ARHGAP8: variants seen among roughly 807,000 people sequenced by gnomAD.
The protein encoded by ARHGAP8 is Rho GTPase activating protein 8, also known as rho GTPase-activating protein 8.
In ARHGAP8, 62 loss-of-function variants were observed where a neutral mutation model predicts 46.1. That is an observed-to-expected ratio of 1.34 (90% CI 1.10 to 1.66). The LOEUF (loss-of-function observed/expected upper bound fraction) is 1.66, where lower values mean the gene tolerates loss of function less well. Among genes scored for constraint, ARHGAP8 ranks in the 40% most tolerant of loss-of-function variants. The pLI is 0.00. For missense variants in ARHGAP8, 923 were observed against 568.4 expected, an observed-to-expected ratio of 1.62 and a Z score of -6.34; for synonymous variants, 375 against 243.1, an observed-to-expected ratio of 1.54 and a Z score of -5.05.
chr22:44,845,477 C>A, intron 8 of ARHGAP8, 135 bp downstream of exon 8: 1 of 1,217,356 alleles, frequency 8.2e-7, no homozygotes, highest in East Asian at 2.4e-5. Flanking sequence ...CACAGTGGCT[C>A]CAGGTCTGGG....
At chr22:44,804,809 A>G (rs986292649) in intron 3 of ARHGAP8, among the ~76,000 whole-genome samples, 1 of 152,146 alleles carries the variant, frequency 6.6e-6, no homozygotes, top group African/African-American at 2.4e-5. Context: ...TATGCATTCT[A>G]TCTGGTCTGT....
rs767082650 is a variant in ARHGAP8, at chr22:44,849,031, AG to A, written c.850del (p.Ala284ProfsTer54). On this transcript the variant is annotated frameshift_variant, in exon 10 of 12. Transcript: ENST00000356099. LOFTEE classifies it high-confidence loss of function. Reference sequence around the variant, plus strand: ...CTGCCCCAGCCGCTTCTGACCTTCCAGGCCTACGAGCAGATTCTCGGGATCA... The same window carrying A: ...CTGCCCCAGCCGCTTCTGACCTTCCAGCCTACGAGCAGATTCTCGGGATCA... ...RELPQPLLTF[Q>X]AYEQILGITC... 62 of 1,613,972 alleles carry A rather than the reference AG, an allele frequency of 3.8e-5. No individual in the cohort carries two copies. The East Asian group carries it at 1.3e-3, about 34-fold the overall frequency.
chr22:44,858,369 G>GTTTC lies in ARHGAP8; in HGVS notation c.878-1359_878-1358insCTTT, dbSNP rs2070301443. 2.1e-5 allele frequency among the ~76,000 whole-genome samples: 3 copies of GTTTC among 142,046 alleles called. No individual in the cohort carries two copies. The South Asian group carries it at 6.7e-4, about 32-fold the overall frequency. The allele number at this position is 142,046 out of a possible 152,430, so 93.2% of individuals were successfully genotyped here. On this transcript the variant is annotated intron_variant, in intron 10 of 11. Transcript: ENST00000356099. ...GGTGAATACTTGTTGGTTGGTGGTG[G>GTTTC]TTTTTTTTTTTTTTTGAGATGGAGT...
intron 10 of ARHGAP8, 106 bp from the exon 11 acceptor site, chr22:44,859,625 C>T (rs1259438274): frequency 8.1e-6 from 10 of 1,229,582 alleles, no homozygotes; most frequent in Admixed American, 8.1e-5. Context: ...TGGGATAGTC[C>T]ATCCTCAGAG....
chr22:44,782,716 C>T (rs561147904), intron 1 of ARHGAP8, among the ~76,000 whole-genome samples: 90 of 152,300 alleles, frequency 5.9e-4, no homozygotes, highest in Non-Finnish European at 1.0e-3. Flanking sequence ...ATGGCTGGAC[C>T]GCACGTGGCT....
chr22:44,801,985 C>G (rs1928588982), intron 2 of ARHGAP8, 92 bp from the exon 3 acceptor site: 1 of 1,507,110 alleles, frequency 6.6e-7, no homozygotes, highest in Non-Finnish European at 9.1e-7. Context: ...CCAGCTCGGG[C>G]TGGACTGGCC....
chr22:44,806,930 C>T (rs917704512), intron 3 of ARHGAP8, among the ~76,000 whole-genome samples: 3 of 148,362 alleles, frequency 2.0e-5, no homozygotes, highest in African/African-American at 5.0e-5. Flanking sequence ...CACCACTGCA[C>T]TCCAGCCTGG....
intron 7 of ARHGAP8, among the ~76,000 whole-genome samples, chr22:44,839,369 C>T (rs1190857672): frequency 6.6e-6 from 1 of 152,182 alleles, no homozygotes. Flanking sequence ...ACCAAACCAC[C>T]CATCGAGATT....
intron 10 of ARHGAP8, among the ~76,000 whole-genome samples, chr22:44,859,440 C>T (rs980610709): frequency 1.3e-5 from 2 of 152,210 alleles, no homozygotes; most frequent in Non-Finnish European, 2.9e-5. Context: ...CCTCCTGAGG[C>T]TTCTCCAGAA....
intron 1 of ARHGAP8, among the ~76,000 whole-genome samples, chr22:44,781,680 G>T (rs931200303): frequency 2.1e-5 from 1 of 48,754 alleles, no homozygotes; most frequent in Admixed American, 2.1e-4. Context: ...GTGCCACCAC[G>T]CCCGGCTAAT....
At chr22:44,778,242 C>T (rs573076027) in intron 1 of ARHGAP8, among the ~76,000 whole-genome samples, 1 of 152,202 alleles carries the variant, frequency 6.6e-6, no homozygotes, top group African/African-American at 2.4e-5. Context: ...TTTGCATCCT[C>T]ATAGCTTAGC....
In ARHGAP8 at chr22:44,859,360, ACT is replaced by A. The variant is rs573880408; in HGVS notation, c.878-364_878-363del. Among the ~76,000 whole-genome samples the A allele has an allele frequency of 2.1e-3, 312 of 151,818 alleles. 2 individuals are homozygous for A. Among genetic ancestry groups the A allele is most frequent in the African/African-American group, 7.2e-3 (296 of 41,382 alleles). ...TAAAAGCATGTGGCACCTCTGTCCCACTCTCTCTTGCTCCTGTTTTTGCCACG... is the reference window on the plus strand; with the variant it reads ...TAAAAGCATGTGGCACCTCTGTCCCACTCTCTTGCTCCTGTTTTTGCCACG... On this transcript the variant is annotated intron_variant, in intron 10 of 11. Transcript: ENST00000356099.
At chr22:44,821,171 C>G (rs953481737) in intron 5 of ARHGAP8, among the ~76,000 whole-genome samples, 1 of 152,172 alleles carries the variant, frequency 6.6e-6, no homozygotes, top group African/African-American at 2.4e-5. Flanking sequence ...GTGGCTCATG[C>G]CTGTAATCCC....
chr22:44,794,348 G>C (rs183218250), intron 2 of ARHGAP8, among the ~76,000 whole-genome samples: 51 of 152,184 alleles, frequency 3.4e-4, no homozygotes, highest in African/African-American at 1.1e-3. Context: ...CCAGGGATTG[G>C]GCAGAGGAAG....
chr22:44,808,746 CT>C (rs1929122480), intron 4 of ARHGAP8: 1 of 518,374 alleles, frequency 1.9e-6, no homozygotes, highest in Non-Finnish European at 3.7e-6. Flanking sequence ...GGTGGATCAC[CT>C]GAGGTCAGGA....
chr22:44,757,152 G>A (rs1490390488), intron 1 of ARHGAP8, among the ~76,000 whole-genome samples: 1 of 152,164 alleles, frequency 6.6e-6, no homozygotes, highest in Non-Finnish European at 1.5e-5. Flanking sequence ...CTGGGCTTAA[G>A]CGATCCTCCC....
At chr22:44,775,950 G>A (rs912605428) in intron 1 of ARHGAP8, among the ~76,000 whole-genome samples, 1 of 152,104 alleles carries the variant, frequency 6.6e-6, no homozygotes, top group African/African-American at 2.4e-5. Flanking sequence ...CTCGAGCTTT[G>A]CCTCATTCAG....
At chr22:44,828,873 C>CA (rs1431101632) in intron 7 of ARHGAP8, among the ~76,000 whole-genome samples, 1 of 152,076 alleles carries the variant, frequency 6.6e-6, no homozygotes, top group East Asian at 1.9e-4. Flanking sequence ...ACACAGGGTC[C>CA]CAGGGGTGGG....
chr22:44,830,081 T>A (rs1930834541), intron 7 of ARHGAP8, among the ~76,000 whole-genome samples: 1 of 150,972 alleles, frequency 6.6e-6, no homozygotes, highest in African/African-American at 2.4e-5. Context: ...TGGAGTGCAG[T>A]GGCACGATCT....
Sources: gnomAD v4.1 joint callset for allele counts (sites outside exome capture counted in the v4.1 genomes callset) on GRCh38, gnomAD v4.1.1 for gene constraint, MANE v1.5 for transcripts, NCBI Gene and HGNC (gene_info 2026-07-23, HGNC 2026-07-21) for gene names.